Variants in CYS1 observed in about 807,000 individuals in gnomAD.
CYS1 encodes cystin-1.
Under a neutral mutation model 9.6 loss-of-function variants are expected in CYS1, and 5 were observed. That is an observed-to-expected ratio of 0.52 (90% CI 0.27 to 1.10). CYS1 has a LOEUF of 1.10. CYS1 is among the 50% of genes least tolerant of loss of function. The pLI, the probability that CYS1 is intolerant of heterozygous loss-of-function variation, is 0.11. For synonymous variants in CYS1, 88 were observed against 95.7 expected, an observed-to-expected ratio of 0.92 and a Z score of 0.47; for missense variants, 221 against 207.9, an observed-to-expected ratio of 1.06 and a Z score of -0.39.
chr2:10,064,017 G>A (rs1212241688), intron 2 of CYS1, among the ~76,000 whole-genome samples: 1 of 152,226 alleles, frequency 6.6e-6, no homozygotes, highest in East Asian at 1.9e-4. Flanking sequence ...GAGGCCAGGA[G>A]TTTGAGACCA....
chr2:10,073,445 G>T (rs560038550), intron 1 of CYS1, among the ~76,000 whole-genome samples: 1 of 152,194 alleles, frequency 6.6e-6, no homozygotes, highest in Non-Finnish European at 1.5e-5. Flanking sequence ...AAAGTCCTCC[G>T]ATGTAAATAA....
At chr2:10,077,278 C>T (rs552317407) in intron 1 of CYS1, among the ~76,000 whole-genome samples, 2 of 152,188 alleles carry the variant, frequency 1.3e-5, no homozygotes, top group African/African-American at 2.4e-5. Context: ...TTCACTCCAG[C>T]GAGACTCTGT....
intron 1 of CYS1, among the ~76,000 whole-genome samples, chr2:10,072,885 CTG>C (rs1305889849): frequency 1.3e-5 from 2 of 151,246 alleles, no homozygotes; most frequent in Non-Finnish European, 2.9e-5. Flanking sequence ...TGCAGGCAGG[CTG>C]TGAGTCGGAG....
rs893280613 is a variant in CYS1, at chr2:10,063,177, G to A, written c.371+2727C>T. On this transcript the variant is annotated intron_variant, in intron 2 of 2. Transcript: ENST00000381813. This position sits in a 1 kb window ranked among gnomAD's most constrained non-coding sequence, Gnocchi z 4.2. ...ATAAGCGTCTATGAAATGCTACCAT[G>A]TGCCTGGAGCTATGAGGGCCCAGAG... Among the ~76,000 whole-genome samples, 8 of 152,218 alleles carry A rather than the reference G, an allele frequency of 5.3e-5. No individual in the cohort carries two copies. The highest frequency in any genetic ancestry group is 1.7e-4 in the African/African-American group (7 of 41,458).
At chr2:10,071,830 C>T (rs1369443143) in intron 1 of CYS1, among the ~76,000 whole-genome samples, 2 of 152,174 alleles carry the variant, frequency 1.3e-5, no homozygotes, top group Non-Finnish European at 2.9e-5. Context: ...GGGGAACCGG[C>T]AGCACCTGGG....
Position 10,076,509 on chromosome 2 carries a change from TC to T in CYS1, c.318+3396del, listed in dbSNP as rs751610970. ...ATCTCTCACCAAGGACCTTGAGACC[TC>T]CCGAGTGGCTCAATTCAACCACCAG... On this transcript the variant is annotated intron_variant, in intron 1 of 2. Transcript: ENST00000381813. This position sits in a 1 kb window ranked among gnomAD's most constrained non-coding sequence, Gnocchi z 4.3. Among the ~76,000 whole-genome samples, 12 of 152,236 alleles carry T rather than the reference TC, an allele frequency of 7.9e-5. No individual in the cohort carries two copies. Among genetic ancestry groups the T allele is most frequent in the Admixed American group, 5.2e-4 (8 of 15,292 alleles).
In CYS1 at chr2:10,063,063, C is replaced by T. The variant is rs1413752620; in HGVS notation, c.371+2841G>A. ...TTCCCTCTGCTGCTTCCGCAGGGCC[C>T]TCCCGGGGGAAGGACCTGGCGTTGT... is the stretch of plus-strand genomic sequence containing the variant. On this transcript the variant is annotated intron_variant, in intron 2 of 2. Coordinates refer to ENST00000381813, the MANE Select transcript of CYS1 (RefSeq NM_001037160.3). This position sits in a 1 kb window ranked among gnomAD's most constrained non-coding sequence, Gnocchi z 4.2. Among the ~76,000 whole-genome samples, 1 of 152,244 alleles carries T rather than the reference C, an allele frequency of 6.6e-6. No homozygotes were observed. The highest frequency in any genetic ancestry group is 1.5e-5 in the Non-Finnish European group (1 of 68,044).
Position 10,073,349 on chromosome 2 carries a change from C to G in CYS1, c.318+6557G>C, listed in dbSNP as rs551071063. On this transcript the variant is annotated intron_variant, in intron 1 of 2. Coordinates refer to ENST00000381813, the MANE Select transcript of CYS1 (RefSeq NM_001037160.3). ...GAGAGGCTGTCACTGGACTCAGGGT[C>G]TGAGAGACTTGTCCGTGCTAACAGG... Among the ~76,000 whole-genome samples, 80 of 152,264 alleles carry G rather than the reference C, an allele frequency of 5.3e-4. 1 individual carries two copies. The highest frequency in any genetic ancestry group is 1.5e-3 in the African/African-American group (64 of 41,546).
intron 1 of CYS1, 61 bp downstream of exon 1, chr2:10,079,845 A>T: frequency 9.9e-7 from 1 of 1,007,134 alleles, no homozygotes; most frequent in Non-Finnish European, 1.2e-6. Context: ...TGGGGCGGGG[A>T]CGCGCGGCCG....
intron 2 of CYS1, among the ~76,000 whole-genome samples, chr2:10,060,346 T>C (rs1661609785): frequency 6.6e-6 from 1 of 152,258 alleles, no homozygotes; most frequent in Non-Finnish European, 1.5e-5. Context: ...TAAATGTCCC[T>C]CTGACTACTC....
chr2:10,068,664 T>C (rs1425408670), intron 1 of CYS1, among the ~76,000 whole-genome samples: 1 of 152,140 alleles, frequency 6.6e-6, no homozygotes, highest in Non-Finnish European at 1.5e-5. Flanking sequence ...TGTACACGAT[T>C]ACAAAGAAAC....
chr2:10,077,614 C>A (rs1162153144), intron 1 of CYS1, among the ~76,000 whole-genome samples: 5 of 152,172 alleles, frequency 3.3e-5, no homozygotes, highest in Non-Finnish European at 7.3e-5. Context: ...CACCTGAGGT[C>A]AGGAGTTCAA....
At chr2:10,066,464 T>C (rs1661696471) in intron 1 of CYS1, among the ~76,000 whole-genome samples, 1 of 152,036 alleles carries the variant, frequency 6.6e-6, no homozygotes, top group Admixed American at 6.6e-5. Context: ...CAGAACCCTC[T>C]CCCTCCCCCA....
At chr2:10,065,877 G>C (rs749264028) in intron 2 of CYS1, 27 bp downstream of exon 2, 6 of 1,613,638 alleles carry the variant, frequency 3.7e-6, no homozygotes, top group Non-Finnish European at 5.1e-6. Flanking sequence ...GTGGCTTCTG[G>C]GAGAGATGTG....
At position 10,058,718 on chromosome 2, in the gene CYS1, G is replaced by T. The variant is rs960410336; in HGVS notation, c.*135C>A. 7.2e-5 allele frequency: 54 copies of T among 752,540 alleles called. 1 individual carries two copies. The highest frequency in any genetic ancestry group is 1.1e-4 in the Non-Finnish European group (54 of 482,960). The allele number at this position is 752,540 out of a possible 1,614,324, so 46.6% of individuals were successfully genotyped here. A position where few individuals can be genotyped will look rare whatever the true frequency, so the allele number is the denominator to read the frequency against. On this transcript the variant is annotated 3_prime_UTR_variant, in exon 3 of 3. Transcript: ENST00000381813. ...GTCAGCGCGGTCTGAAAGTGGATTT[G>T]AAAGGGCAGCTTTGAATATCCGGGA...
At chr2:10,077,610 A>G (rs1448730396) in intron 1 of CYS1, among the ~76,000 whole-genome samples, 4 of 152,196 alleles carry the variant, frequency 2.6e-5, no homozygotes, top group Non-Finnish European at 4.4e-5. Context: ...GAATCACCTG[A>G]GGTCAGGAGT....
chr2:10,072,673 A>G (rs1661785251), intron 1 of CYS1, among the ~76,000 whole-genome samples: 1 of 152,242 alleles, frequency 6.6e-6, no homozygotes, highest in South Asian at 2.1e-4. Context: ...GAACATGTAC[A>G]GTAGAGAAAC....
intron 2 of CYS1, among the ~76,000 whole-genome samples, chr2:10,062,739 C>T (rs778766786): frequency 1.7e-4 from 26 of 152,308 alleles, no homozygotes; most frequent in Non-Finnish European, 3.8e-4. Flanking sequence ...GCCTCTCCAA[C>T]CTGGGGAAAT....
chr2:10,072,663 G>A (rs959616077), intron 1 of CYS1, among the ~76,000 whole-genome samples: 1 of 152,200 alleles, frequency 6.6e-6, no homozygotes, highest in Non-Finnish European at 1.5e-5. Context: ...AAGGAAACTT[G>A]AACATGTACA....
Sources: allele counts gnomAD v4.1 joint callset (sites outside exome capture counted in the v4.1 genomes callset), GRCh38; gene constraint gnomAD v4.1.1; non-coding constraint Gnocchi (gnomAD v3.1); transcripts MANE v1.5; gene names NCBI Gene and HGNC (gene_info 2026-07-23, HGNC 2026-07-21).